Variants in PCDHGA8 observed in about 807,000 individuals in gnomAD.
PCDHGA8 encodes the protein protocadherin gamma subfamily A, 8, also known as protocadherin gamma-A8.
A neutral mutation model predicts 59.2 loss-of-function variants in PCDHGA8; 45 were observed. That is an observed-to-expected ratio of 0.76 (90% CI 0.60 to 0.98). PCDHGA8 has a LOEUF of 0.98. Among genes scored for constraint, PCDHGA8 ranks in the 50% least tolerant of loss-of-function variants. The pLI, the probability that PCDHGA8 is intolerant of heterozygous loss-of-function variation, is 0.00. For missense variants in PCDHGA8, 1,257 were observed against 1,196.2 expected (o/e 1.05, Z -0.75); for synonymous variants, 531 against 519.0 (o/e 1.02, Z -0.32).
chr5:141,418,360 G>A (rs544948410), intron 1 of PCDHGA8: 3 of 1,613,990 alleles, frequency 1.9e-6, no homozygotes, highest in Non-Finnish European at 2.5e-6. Context: ...TGAATTCGCT[G>A]AGCAAATACC....
chr5:141,427,146 A>G (rs901147622), intron 1 of PCDHGA8: 10 of 456,872 alleles, frequency 2.2e-5, no homozygotes, highest in Admixed American at 7.0e-5. Context: ...TGATATTGGA[A>G]ATATGTTTGT....
In PCDHGA8 at chr5:141,394,672, G is replaced by A. The variant is rs1407775660; in HGVS notation, c.1859G>A (p.Gly620Asp). 4 of 1,612,088 alleles carry A rather than the reference G, an allele frequency of 2.5e-6. No individual in the cohort carries two copies. In the African/African-American group the frequency reaches 5.4e-5, roughly 22 times the overall value. The change falls in exon 1 of 4, where the codon GGT (glycine) becomes GAT (aspartate). Residue 620 changes from glycine to aspartate, a missense_variant. By Grantham distance (94) the Gly-to-Asp change is moderately conservative. Transcript: ENST00000398604. Reference sequence around the variant, plus strand: ...AGCGAGCCGGGACTCTTCTCGGTGGGTCTGCACACGGGCGAGGTGCGCACG... The same window carrying A: ...AGCGAGCCGGGACTCTTCTCGGTGGATCTGCACACGGGCGAGGTGCGCACG... ...KASEPGLFSVGLHTGEVRTAR... is the reference protein window; with the variant it reads ...KASEPGLFSVDLHTGEVRTAR...
At chr5:141,508,823 G>A (rs1445894402) in intron 3 of PCDHGA8, among the ~76,000 whole-genome samples, 1 of 151,966 alleles carries the variant, frequency 6.6e-6, no homozygotes, top group Admixed American at 6.6e-5. Flanking sequence ...GCCAGATCTG[G>A]GCCCCCCTCC....
chr5:141,435,254 G>C (rs1220755047), intron 1 of PCDHGA8, among the ~76,000 whole-genome samples: 1 of 152,018 alleles, frequency 6.6e-6, no homozygotes, highest in African/African-American at 2.4e-5. Flanking sequence ...GGCCATTAGG[G>C]ATATGTCCAT....
intron 1 of PCDHGA8, among the ~76,000 whole-genome samples, chr5:141,443,477 C>T (rs1279226136): frequency 6.6e-6 from 1 of 152,116 alleles, no homozygotes; most frequent in Non-Finnish European, 1.5e-5. Flanking sequence ...CAGAATTAGA[C>T]CCTGTCCCAA....
At chr5:141,479,470 T>G (rs2099497188) in intron 1 of PCDHGA8, 1 of 152,250 alleles carries the variant, frequency 6.6e-6, no homozygotes, top group African/African-American at 2.4e-5. Context: ...CAGTGACCTC[T>G]TGGGAGGGCA....
chr5:141,444,194 G>A (rs1209269773), intron 1 of PCDHGA8, among the ~76,000 whole-genome samples: 1 of 67,352 alleles, frequency 1.5e-5, no homozygotes, highest in Non-Finnish European at 2.7e-5. Flanking sequence ...TTTTTGAGAT[G>A]GAGTTTCACT....
At chr5:141,457,063 G>A (rs1477613746) in intron 1 of PCDHGA8, among the ~76,000 whole-genome samples, 1 of 152,104 alleles carries the variant, frequency 6.6e-6, no homozygotes, top group East Asian at 1.9e-4. Context: ...CTTCCTTTTT[G>A]CCAGTAACTA....
intron 1 of PCDHGA8, chr5:141,420,219 T>C: frequency 6.2e-7 from 1 of 1,607,100 alleles, no homozygotes. Flanking sequence ...GATAGCATGC[T>C]ACTGGCTAGC....
intron 1 of PCDHGA8, chr5:141,400,321 G>T (rs190006023): frequency 1.9e-6 from 3 of 1,614,064 alleles, no homozygotes; most frequent in East Asian, 2.2e-5. Context: ...TGTCAAGTCT[G>T]GACCTGTGGT....
intron 1 of PCDHGA8, chr5:141,478,260 T>C (rs1340624663): frequency 6.2e-7 from 1 of 1,614,182 alleles, no homozygotes; most frequent in East Asian, 2.2e-5. Context: ...GTAATCATAT[T>C]CAAAGTTTAC....
chr5:141,420,111 C>T (rs747723647), intron 1 of PCDHGA8: 1 of 1,613,966 alleles, frequency 6.2e-7, no homozygotes, highest in African/African-American at 1.3e-5. Flanking sequence ...TTGCCCTATG[C>T]CTATAATTTT....
At chr5:141,422,587 C>G in intron 1 of PCDHGA8, 2 of 1,614,032 alleles carry the variant, frequency 1.2e-6, no homozygotes, top group Non-Finnish European at 1.7e-6. Flanking sequence ...TCCCGTTTTT[C>G]CTCACTCCTC....
intron 1 of PCDHGA8, among the ~76,000 whole-genome samples, chr5:141,474,120 T>C (rs2099343213): frequency 6.6e-6 from 1 of 151,910 alleles, no homozygotes; most frequent in Non-Finnish European, 1.5e-5. Flanking sequence ...ACAACGAAAA[T>C]CTCAGAAAAC....
chr5:141,462,617 T>C (rs1413543706), intron 1 of PCDHGA8, among the ~76,000 whole-genome samples: 1 of 151,850 alleles, frequency 6.6e-6, no homozygotes, highest in East Asian at 1.9e-4. Context: ...TTTTCACTTT[T>C]AGAAGTTCCA....
At position 141,393,572 on chromosome 5, in the gene PCDHGA8, G is replaced by A; in HGVS notation, c.759G>A (p.Glu253=). 6.2e-7 allele frequency: 1 copy of A among 1,613,908 alleles called. No individual in the cohort carries two copies. The highest frequency in any genetic ancestry group is 8.5e-7 in the Non-Finnish European group (1 of 1,179,888). The change falls in exon 1 of 4, where the codon GAG becomes GAA. Residue 253 remains glutamate, a synonymous_variant. Transcript: ENST00000398604. The part of the protein sequence containing the change: ...PHPIYRVKVL[E]NMPPGTRLLT... Reference sequence around the variant, plus strand: ...CGATTTACCGAGTGAAAGTCCTTGAGAACATGCCCCCAGGCACGCGGCTGC... The same window carrying A: ...CGATTTACCGAGTGAAAGTCCTTGAAAACATGCCCCCAGGCACGCGGCTGC...
In PCDHGA8 at chr5:141,505,419, C is replaced by G. The variant is rs1303924776; in HGVS notation, c.2510C>G (p.Thr837Ser). 6 of 1,614,140 alleles carry G rather than the reference C, an allele frequency of 3.7e-6. No individual in the cohort carries two copies. The highest frequency in any genetic ancestry group is 4.2e-6 in the Non-Finnish European group (5 of 1,180,062). Residue 837 changes from threonine to serine, a missense_variant, in exon 3 of 4, where the codon ACC becomes AGC. Thr to Ser is a moderately conservative substitution (Grantham distance 58). Coordinates refer to ENST00000398604, the MANE Select transcript of PCDHGA8 (RefSeq NM_032088.2). ...SGSQNGDDTGTWPNNQFDTEM... is the reference protein window; with the variant it reads ...SGSQNGDDTGSWPNNQFDTEM... ...TCCCAAAATGGCGATGACACCGGCACCTGGCCCAACAACCAGTTTGACACA... is the reference window on the plus strand; with the variant it reads ...TCCCAAAATGGCGATGACACCGGCAGCTGGCCCAACAACCAGTTTGACACA...
chr5:141,455,109 G>A (rs2098813382), intron 1 of PCDHGA8, among the ~76,000 whole-genome samples: 1 of 151,932 alleles, frequency 6.6e-6, no homozygotes, highest in South Asian at 2.1e-4. Context: ...ACTGCGCCCG[G>A]TGGGTCTAAT....
chr5:141,431,839 T>A lies in PCDHGA8; in HGVS notation c.2424+36602T>A. The A allele has an allele frequency of 1.2e-6, 2 of 1,614,198 alleles. No individual in the cohort carries two copies. The highest frequency in any genetic ancestry group is 1.7e-6 in the Non-Finnish European group (2 of 1,180,028). The stretch of plus-strand genomic sequence containing the variant: ...TCGCCAGCTCGGTTCCCGAAAACTC[T>A]CCCAGAGGGACATTAATTGCCCTTT... On this transcript the variant is annotated intron_variant, in intron 1 of 3. Coordinates refer to ENST00000398604, the MANE Select transcript of PCDHGA8 (RefSeq NM_032088.2). This position sits in a 1 kb window ranked among gnomAD's most constrained non-coding sequence, Gnocchi z 4.8.
Sources: gnomAD v4.1 joint callset for allele counts (sites outside exome capture counted in the v4.1 genomes callset) on GRCh38, gnomAD v4.1.1 for gene constraint, Gnocchi (gnomAD v3.1) non-coding constraint, MANE v1.5 for transcripts, NCBI Gene and HGNC (gene_info 2026-07-23, HGNC 2026-07-21) for gene names.